PTPRG: variants seen among roughly 807,000 people sequenced by gnomAD.
The protein encoded by PTPRG is receptor-type tyrosine-protein phosphatase gamma.
PTPRG carries 102 observed loss-of-function variants against 165.3 expected under a neutral mutation model. That is an observed-to-expected ratio of 0.62 (90% CI 0.53 to 0.73). PTPRG has a LOEUF of 0.73. Ranked by LOEUF, PTPRG falls within the 30% of genes least tolerant of loss-of-function variation. The pLI is 0.00. For synonymous variants in PTPRG, 675 were observed against 669.5 expected, an observed-to-expected ratio of 1.01 and a Z score of -0.13; for missense variants, 1,866 against 1,861.4, an observed-to-expected ratio of 1.00 and a Z score of -0.05.
At chr3:61,986,642 G>T (rs2040769798) in intron 2 of PTPRG, among the ~76,000 whole-genome samples, 1 of 152,108 alleles carries the variant, frequency 6.6e-6, no homozygotes, top group African/African-American at 2.4e-5. Flanking sequence ...ATTGCCCTGT[G>T]TTTTCTACCC....
rs1700552528 is a variant in PTPRG, at chr3:62,217,991, C to T, written c.2156-860C>T. The T allele has an allele frequency of 6.6e-6, 1 of 152,022 alleles. No individual in the cohort carries two copies. Among genetic ancestry groups the T allele is most frequent in the Non-Finnish European group, 1.5e-5 (1 of 68,136 alleles). 9.4% of individuals were successfully genotyped at this position (152,022 alleles called of 1,614,324 possible). ...TGGGAATAGGGTGTGGTATGGCTTC[C>T]TGTCTTGGGAAAGAAAATAGGAGCT... On this transcript the variant is annotated intron_variant, in intron 12 of 29. Transcript: ENST00000474889. The surrounding 1 kb of genome is among the most constrained non-coding windows in gnomAD (Gnocchi z 4.3).
intron 5 of PTPRG, among the ~76,000 whole-genome samples, chr3:62,085,835 T>C (rs1467752369): frequency 1.3e-5 from 2 of 152,234 alleles, no homozygotes; most frequent in Non-Finnish European, 2.9e-5. Flanking sequence ...CTCTGTGCCA[T>C]GCTCCATGGA....
intron 5 of PTPRG, among the ~76,000 whole-genome samples, chr3:62,129,268 C>T (rs576011193): frequency 1.3e-5 from 2 of 152,214 alleles, no homozygotes; most frequent in East Asian, 3.9e-4. Flanking sequence ...TTTTGCATAG[C>T]CTACAAATAT....
chr3:61,759,245 G>A (rs1311633621), intron 2 of PTPRG, among the ~76,000 whole-genome samples: 1 of 152,186 alleles, frequency 6.6e-6, no homozygotes, highest in Non-Finnish European at 1.5e-5. Flanking sequence ...CTGATAACTT[G>A]TGTAGGTTAA....
chr3:61,582,486 A>G (rs911638770), intron 1 of PTPRG, among the ~76,000 whole-genome samples: 1 of 152,166 alleles, frequency 6.6e-6, no homozygotes, highest in African/African-American at 2.4e-5. Context: ...AGATAGAACA[A>G]TTTATCCGAA....
chr3:61,753,901 C>T (rs535411863), intron 2 of PTPRG, among the ~76,000 whole-genome samples: 2 of 152,146 alleles, frequency 1.3e-5, no homozygotes, highest in Admixed American at 1.3e-4. Flanking sequence ...CGGCCAGAGG[C>T]ATTTTTATAT....
At chr3:61,714,367 C>G (rs144184583) in intron 1 of PTPRG, among the ~76,000 whole-genome samples, 2 of 152,244 alleles carry the variant, frequency 1.3e-5, no homozygotes, top group Admixed American at 1.3e-4. Flanking sequence ...TAGGACATTT[C>G]CTCAGTGGAA....
rs1699780563 is a variant in PTPRG, at chr3:62,190,494, A to G, written c.1034-975A>G. On this transcript the variant is annotated intron_variant, in intron 8 of 29. Transcript: ENST00000474889. The surrounding 1 kb of genome is among the most constrained non-coding windows in gnomAD (Gnocchi z 5.2). ...GACCTGTCAAGGTCTCAACACTTTC[A>G]TAGGTTTGTCTGTAAATAGATTTAG... Among the ~76,000 whole-genome samples, 1 of 152,034 alleles carries G rather than the reference A, an allele frequency of 6.6e-6. No individual in the cohort carries two copies. Among genetic ancestry groups the G allele is most frequent in the African/African-American group, 2.4e-5 (1 of 41,386 alleles).
chr3:61,586,492 TAGGAAACTAA>T lies in PTPRG; in HGVS notation c.85+24123_85+24132del, dbSNP rs202212191. Among the ~76,000 whole-genome samples the T allele has an allele frequency of 5.7e-3, 874 of 152,332 alleles. 4 individuals carry two copies. The highest frequency in any genetic ancestry group is 0.02 in the African/African-American group (836 of 41,578). ...GCCTTGGATCTCCACAGGTCACTGA[TAGGAAACTAA>T]AGCTTGACTGTTCCTTCTGTTCGTT... On this transcript the variant is annotated intron_variant, in intron 1 of 29. Transcript: ENST00000474889.
chr3:61,939,078 G>C (rs1032812980), intron 2 of PTPRG, among the ~76,000 whole-genome samples: 1 of 152,152 alleles, frequency 6.6e-6, no homozygotes, highest in Non-Finnish European at 1.5e-5. Flanking sequence ...AACCGGAACT[G>C]GGTACAGGCG....
chr3:62,168,187 C>T, intron 8 of PTPRG, 24 bp downstream of exon 8: 1 of 1,565,048 alleles, frequency 6.4e-7, no homozygotes, highest in Non-Finnish European at 8.7e-7. Flanking sequence ...AAGTGCCTTG[C>T]CCAGAGGAAG....
rs1428473109 is a variant in PTPRG at position 61,668,954 on chromosome 3, A to G, written c.86-79924A>G. On this transcript the variant is annotated intron_variant, in intron 1 of 29. Coordinates refer to ENST00000474889, the MANE Select transcript of PTPRG (RefSeq NM_002841.4). ...TCAGAGAATACTTAGTATTTGCTAAATCAGTGGTGGCCTACTTTTTAAAGC... is the reference window on the plus strand; with the variant it reads ...TCAGAGAATACTTAGTATTTGCTAAGTCAGTGGTGGCCTACTTTTTAAAGC... Among the ~76,000 whole-genome samples, 8 of 152,220 alleles carry G rather than the reference A, an allele frequency of 5.3e-5. No individual in the cohort carries two copies. The East Asian group carries it at 1.3e-3, about 26-fold the overall frequency.
chr3:61,862,317 C>T (rs566540761), intron 2 of PTPRG, among the ~76,000 whole-genome samples: 3 of 151,734 alleles, frequency 2.0e-5, no homozygotes, highest in Admixed American at 1.3e-4. Context: ...GTGTAGTGGC[C>T]TCCTTTGGCC....
At chr3:61,706,939 T>C (rs1320643674) in intron 1 of PTPRG, among the ~76,000 whole-genome samples, 1 of 152,234 alleles carries the variant, frequency 6.6e-6, no homozygotes, top group Non-Finnish European at 1.5e-5. Flanking sequence ...TTTATACATT[T>C]ACTGTGCATT....
intron 2 of PTPRG, among the ~76,000 whole-genome samples, chr3:61,813,978 G>A (rs1256730645): frequency 6.7e-6 from 1 of 149,104 alleles, no homozygotes; most frequent in East Asian, 2.0e-4. Context: ...TTGGCTCACT[G>A]CAACCTTGGT....
chr3:62,113,529 G>C (rs1702745533), intron 5 of PTPRG, among the ~76,000 whole-genome samples: 1 of 151,998 alleles, frequency 6.6e-6, no homozygotes, highest in Non-Finnish European at 1.5e-5. Flanking sequence ...TATGAAAATT[G>C]ACATATGCAA....
At chr3:61,578,835 C>A (rs1700221592) in intron 1 of PTPRG, among the ~76,000 whole-genome samples, 1 of 152,128 alleles carries the variant, frequency 6.6e-6, no homozygotes, top group African/African-American at 2.4e-5. Flanking sequence ...TTTTGAGGTT[C>A]CCCCGATGGA....
intron 1 of PTPRG, among the ~76,000 whole-genome samples, chr3:61,744,189 AC>A (rs1439109826): frequency 6.6e-6 from 1 of 152,204 alleles, no homozygotes; most frequent in Admixed American, 6.5e-5. Context: ...ATACTTTTTG[AC>A]TGCTGTTCAA....
chr3:62,208,199 T>C (rs1414232551), intron 12 of PTPRG, among the ~76,000 whole-genome samples: 1 of 152,146 alleles, frequency 6.6e-6, no homozygotes, highest in Non-Finnish European at 1.5e-5. Flanking sequence ...ACCAGGCTTT[T>C]TTCTAGCGTT....
Sources: gnomAD v4.1 joint callset for allele counts (sites outside exome capture counted in the v4.1 genomes callset) on GRCh38, gnomAD v4.1.1 for gene constraint, Gnocchi (gnomAD v3.1) non-coding constraint, MANE v1.5 for transcripts, NCBI Gene and HGNC (gene_info 2026-07-23, HGNC 2026-07-21) for gene names.